The following SERPINB12 variants were observed in gnomAD, a reference collection of about 807,000 sequenced individuals.
SERPINB12 encodes serpin B12.
A neutral mutation model predicts 41.1 loss-of-function variants in SERPINB12; 57 were observed. That is an observed-to-expected ratio of 1.39 (90% CI 1.12 to 1.73). The LOEUF is 1.73. Ranked by LOEUF, SERPINB12 falls within the 40% of genes most tolerant of loss-of-function variation. The probability of loss-of-function intolerance (pLI) is 0.00; values close to 1 mark genes in which losing one functional copy is unlikely to be tolerated. For synonymous variants in SERPINB12, 180 were observed against 181.3 expected (o/e 0.99, Z 0.06); for missense variants, 536 against 501.9 (o/e 1.07, Z -0.65).
the SERPINB12 span, among the ~76,000 whole-genome samples, chr18:63,522,305 T>C: frequency 6.6e-6 from 1 of 152,322 alleles, no homozygotes; most frequent in Middle Eastern, 3.4e-3. Context: ...CTTGCAATTG[T>C]ATCCTTTTAT....
At chr18:63,561,278 C>A in intron 5 of SERPINB12, 76 bp downstream of exon 5, 1 of 843,196 alleles carries the variant, frequency 1.2e-6, no homozygotes, top group Non-Finnish European at 2.0e-6. Flanking sequence ...GCTTTGCAGA[C>A]TGCTGGTCTA....
chr18:63,550,695 G>T (rs1425468998), intron 1 of SERPINB12, among the ~76,000 whole-genome samples: 1 of 152,172 alleles, frequency 6.6e-6, no homozygotes, highest in Non-Finnish European at 1.5e-5. Flanking sequence ...GCTCACAAGA[G>T]CTGATTTTGT....
chr18:63,545,288 T>A (rs1910361611), intron 1 of SERPINB12, among the ~76,000 whole-genome samples: 1 of 152,096 alleles, frequency 6.6e-6, no homozygotes, highest in Non-Finnish European at 1.5e-5. Flanking sequence ...CAAACCCTAG[T>A]GTAATTCTCT....
At chr18:63,538,994 G>A (rs1158130619), upstream of SERPINB12, among the ~76,000 whole-genome samples, 3 of 152,142 alleles carry the variant, frequency 2.0e-5, no homozygotes, top group Non-Finnish European at 4.4e-5. Context: ...CATGCCTGTA[G>A]TGAATTCTCC....
chr18:63,566,895 T>A lies in SERPINB12; in HGVS notation c.1162T>A (p.Ser388Thr). 6.2e-7 allele frequency: 1 copy of A among 1,614,208 alleles called. No homozygotes were observed. The highest frequency in any genetic ancestry group is 8.5e-7 in the Non-Finnish European group (1 of 1,180,026). The part of the protein sequence containing the change: ...QAAAATGAVV[S>T]ERSLRSWVEF... ...AGCTGCAGCCACTGGGGCTGTTGTC[T>A]CGGAAAGGTCACTACGATCTTGGGT... Residue 388 changes from serine (S) to threonine (T), a missense_variant, in exon 8 of 8, where the codon TCG becomes ACG. Transcript: ENST00000382768.
In SERPINB12 at chr18:63,567,742, C is replaced by T. The variant is rs1229288537; in HGVS notation, c.*731C>T. Among the ~76,000 whole-genome samples the T allele has an allele frequency of 1.3e-5, 2 of 152,198 alleles. No individual in the cohort carries two copies. The highest frequency in any genetic ancestry group is 2.9e-5 in the Non-Finnish European group (2 of 68,020). On this transcript the variant is annotated 3_prime_UTR_variant, in exon 8 of 8. Coordinates refer to ENST00000382768, the MANE Select transcript of SERPINB12 (RefSeq NM_001307928.2). ...TTTATCTCAGTTTTCCTTATTGAGT[C>T]CCCCAACATTATCATCAAACACTTC...
chr18:63,523,455 TG>T, the SERPINB12 span, among the ~76,000 whole-genome samples: 1 of 152,196 alleles, frequency 6.6e-6, no homozygotes, highest in Admixed American at 6.5e-5. Context: ...TTAGATAATC[TG>T]GAAGTCAAAC....
At chr18:63,524,908 C>T in the SERPINB12 span, among the ~76,000 whole-genome samples, 2 of 151,866 alleles carry the variant, frequency 1.3e-5, no homozygotes, top group Admixed American at 1.3e-4. Context: ...TGCCACCATG[C>T]CTAGCTGATT....
the SERPINB12 span, among the ~76,000 whole-genome samples, chr18:63,536,678 A>G: frequency 6.6e-6 from 1 of 152,170 alleles, no homozygotes; most frequent in African/African-American, 2.4e-5. Context: ...CAGAACGATG[A>G]TCTCCATTGG....
intron 6 of SERPINB12, 111 bp from the exon 7 acceptor site, chr18:63,565,334 C>A: frequency 1.0e-6 from 1 of 993,592 alleles, no homozygotes; most frequent in Non-Finnish European, 1.5e-6. Flanking sequence ...CAGGACTTCT[C>A]CTGCAGAACC....
intron 1 of SERPINB12, among the ~76,000 whole-genome samples, chr18:63,543,762 G>A (rs993139655): frequency 1.5e-4 from 23 of 151,802 alleles, no homozygotes; most frequent in East Asian, 1.2e-3. Context: ...GCTTACAGGC[G>A]TGCGCCACGA....
At chr18:63,554,483 A>G (rs1910611636) in intron 1 of SERPINB12, among the ~76,000 whole-genome samples, 2 of 152,244 alleles carry the variant, frequency 1.3e-5, no homozygotes, top group African/African-American at 2.4e-5. Flanking sequence ...TCAATGCAGC[A>G]ATATTTCTTC....
At chr18:63,523,434 G>C in the SERPINB12 span, among the ~76,000 whole-genome samples, 1 of 152,180 alleles carries the variant, frequency 6.6e-6, no homozygotes, top group Non-Finnish European at 1.5e-5. Flanking sequence ...TTCCGCATAT[G>C]GGAAGCTTGT....
At chr18:63,560,342 C>G (rs1432273079) in intron 4 of SERPINB12, among the ~76,000 whole-genome samples, 1 of 152,146 alleles carries the variant, frequency 6.6e-6, no homozygotes, top group Non-Finnish European at 1.5e-5. Context: ...GGGGATATGA[C>G]CAATGGCAAA....
At chr18:63,545,254 G>C (rs1049378518) in intron 1 of SERPINB12, among the ~76,000 whole-genome samples, 1 of 151,468 alleles carries the variant, frequency 6.6e-6, no homozygotes, top group African/African-American at 2.4e-5. Context: ...GCACTGTCAG[G>C]CTAGTTGACC....
At chr18:63,542,542 G>A (rs1910294087) in intron 1 of SERPINB12, among the ~76,000 whole-genome samples, 50 bp downstream of exon 1, 1 of 152,162 alleles carries the variant, frequency 6.6e-6, no homozygotes, top group Non-Finnish European at 1.5e-5. Context: ...TGCCTCTGGG[G>A]GCTAGTTGTC....
Position 63,556,217 on chromosome 18 carries a change from G to T in SERPINB12, c.58G>T (p.Gly20Cys), listed in dbSNP as rs771601179. 1 of 1,613,962 alleles carries T rather than the reference G, an allele frequency of 6.2e-7. No individual in the cohort carries two copies. Among genetic ancestry groups the T allele is most frequent in the Admixed American group, 1.7e-5 (1 of 60,016 alleles). ...KFCFDLFQEI[G>C]KDDRHKNIFF... ...TTGCTTTGATCTTTTTCAAGAGATA[G>T]GCAAAGATGATCGTCATAAAAACAT... Residue 20 changes from glycine (G) to cysteine (C), a missense_variant, in exon 2 of 8, where the codon GGC (glycine) becomes TGC (cysteine). Coordinates refer to ENST00000382768, the MANE Select transcript of SERPINB12 (RefSeq NM_001307928.2).
Position 63,567,004 on chromosome 18 carries a change from C to T in SERPINB12, c.1271C>T (p.Ser424Phe), listed in dbSNP as rs1268159609. 1.3e-6 allele frequency: 2 copies of T among 1,585,542 alleles called. No individual in the cohort carries two copies. Among genetic ancestry groups the T allele is most frequent in the East Asian group, 4.5e-5 (2 of 44,782 alleles). ...QTILFYGRVC[S>F]P Reference sequence around the variant, plus strand: ...ATTCTCTTTTATGGCAGGGTCTGCTCTCCTTAAAAGGGGAGCAGTGTCTAG... The same window carrying T: ...ATTCTCTTTTATGGCAGGGTCTGCTTTCCTTAAAAGGGGAGCAGTGTCTAG... Residue 424 changes from serine (S) to phenylalanine (F), a missense_variant, in exon 8 of 8, where the codon TCT (serine) becomes TTT (phenylalanine). Ser to Phe is a radical substitution (Grantham distance 155). Transcript: ENST00000382768.
At chr18:63,554,635 T>G (rs562692313) in intron 1 of SERPINB12, among the ~76,000 whole-genome samples, 1 of 152,320 alleles carries the variant, frequency 6.6e-6, no homozygotes, top group Non-Finnish European at 1.5e-5. Flanking sequence ...TGGTGAGATC[T>G]ACATATTCTC....
Sources: gnomAD v4.1 joint callset for allele counts (sites outside exome capture counted in the v4.1 genomes callset) on GRCh38, gnomAD v4.1.1 for gene constraint, MANE v1.5 for transcripts, NCBI Gene and HGNC (gene_info 2026-07-23, HGNC 2026-07-21) for gene names.